NAA35: variants seen among roughly 807,000 people sequenced by gnomAD.
NAA35 encodes MAK10 homolog, amino-acid N-acetyltransferase subunit.
Under a neutral mutation model 101.7 loss-of-function variants are expected in NAA35, and 18 were observed. The observed-to-expected ratio is 0.18, with a 90% CI of 0.12 to 0.26. NAA35 has a LOEUF of 0.26. NAA35 is among the 10% of genes least tolerant of loss of function. The pLI is 1.00. For missense variants in NAA35, 601 were observed against 886.8 expected, an observed-to-expected ratio of 0.68 and a Z score of 4.09; for synonymous variants, 267 against 273.1, an observed-to-expected ratio of 0.98 and a Z score of 0.22.
At chr9:85,962,935 A>G (rs1829584276) in intron 6 of NAA35, among the ~76,000 whole-genome samples, 1 of 152,184 alleles carries the variant, frequency 6.6e-6, no homozygotes, top group African/African-American at 2.4e-5. Flanking sequence ...TGAGTTTTAG[A>G]GATAGAAAGA....
intron 11 of NAA35, among the ~76,000 whole-genome samples, chr9:85,983,092 C>T (rs1452518874): frequency 2.6e-5 from 4 of 152,140 alleles, no homozygotes; most frequent in African/African-American, 9.7e-5. Flanking sequence ...GAGTGACATT[C>T]CTGAACCTCA....
At chr9:85,945,220 A>T (rs546539753) in intron 2 of NAA35, among the ~76,000 whole-genome samples, 7 of 152,302 alleles carry the variant, frequency 4.6e-5, no homozygotes, top group African/African-American at 1.7e-4. Context: ...TAACTCTTCC[A>T]TAATTAGCTC....
chr9:85,944,885 G>A (rs1228675968), intron 2 of NAA35, among the ~76,000 whole-genome samples: 1 of 152,174 alleles, frequency 6.6e-6, no homozygotes, highest in Non-Finnish European at 1.5e-5. Flanking sequence ...CACCCAGGGT[G>A]GTTGCATACC....
intron 6 of NAA35, among the ~76,000 whole-genome samples, chr9:85,972,837 C>T (rs924366162): frequency 6.6e-6 from 1 of 152,170 alleles, no homozygotes; most frequent in Non-Finnish European, 1.5e-5. Flanking sequence ...TAGCACTATT[C>T]TAAGTCCTAT....
At chr9:85,953,918 A>G (rs985558941) in intron 2 of NAA35, among the ~76,000 whole-genome samples, 3 of 152,116 alleles carry the variant, frequency 2.0e-5, no homozygotes, top group Admixed American at 1.3e-4. Flanking sequence ...ATGGTTTATC[A>G]TTCATCTGTC....
intron 11 of NAA35, among the ~76,000 whole-genome samples, chr9:85,995,360 G>C (rs1237934534): frequency 6.6e-6 from 1 of 150,438 alleles, no homozygotes. Flanking sequence ...ATGGGATTTG[G>C]AACTAAGAAG....
intron 14 of NAA35, 69 bp downstream of exon 14, chr9:86,007,533 CTTCTTT>C (rs1160901773): frequency 5.1e-5 from 56 of 1,108,626 alleles, no homozygotes; most frequent in Admixed American, 7.7e-5. Context: ...CTCTGTACTC[CTTCTTT>C]ATAGCCAAAG....
intron 6 of NAA35, among the ~76,000 whole-genome samples, chr9:85,969,559 T>C (rs1829910766): frequency 6.6e-6 from 1 of 152,242 alleles, no homozygotes; most frequent in Non-Finnish European, 1.5e-5. Flanking sequence ...AAACGTGCTT[T>C]ATATTCCTCT....
In NAA35 at chr9:85,962,215, GTGC is replaced by G. The variant is rs781335130; in HGVS notation, c.516+36_516+38del. ...CGTAATGTAAGAAATCCTTGGCCAGGTGCGGTGGCTCATGCCTGTAATCTCAGC... is the reference window on the plus strand; with the variant it reads ...CGTAATGTAAGAAATCCTTGGCCAGGGGTGGCTCATGCCTGTAATCTCAGC... On this transcript the variant is annotated intron_variant, in intron 6 of 22. Transcript: ENST00000361671. 3.1e-6 allele frequency: 5 copies of G among 1,600,732 alleles called. No homozygotes were observed. The African/African-American group carries it at 5.4e-5, about 17-fold the overall frequency.
At chr9:85,974,629 G>C (rs1416608724) in intron 6 of NAA35, among the ~76,000 whole-genome samples, 1 of 152,060 alleles carries the variant, frequency 6.6e-6, no homozygotes, top group Non-Finnish European at 1.5e-5. Flanking sequence ...CATATTTACT[G>C]TTCACCTGTG....
At position 86,022,010 on chromosome 9, in the gene NAA35, A is replaced by C. The variant is rs777664157; in HGVS notation, c.*50A>C. 1 of 1,442,704 alleles carries C rather than the reference A, an allele frequency of 6.9e-7. No homozygotes were observed. The allele number at this position is 1,442,704 out of a possible 1,614,324, so 89.4% of individuals were successfully genotyped here. A position where few individuals can be genotyped will look rare whatever the true frequency, so the allele number is the denominator to read the frequency against. On this transcript the variant is annotated 3_prime_UTR_variant, in exon 23 of 23. Coordinates refer to ENST00000361671, the MANE Select transcript of NAA35 (RefSeq NM_024635.4). ...AGGGGCAGAGTCTTCTTTCAGACCC[A>C]ACTCTTAGAGGGCACATCACCAGGC...
At chr9:86,013,207 A>G in intron 16 of NAA35, 63 bp downstream of exon 16, 2 of 1,015,530 alleles carry the variant, frequency 2.0e-6, no homozygotes, top group Non-Finnish European at 2.9e-6. Flanking sequence ...CCAGATTTTT[A>G]AAAACAATAA....
chr9:85,951,137 C>CAA (rs563456145), intron 2 of NAA35, among the ~76,000 whole-genome samples: 3 of 86,016 alleles, frequency 3.5e-5, no homozygotes, highest in Non-Finnish European at 5.0e-5. Context: ...GACTCCATCT[C>CAA]AAAAAAAAAA....
intron 11 of NAA35, among the ~76,000 whole-genome samples, chr9:85,994,439 A>G (rs979791097): frequency 6.6e-6 from 1 of 152,168 alleles, no homozygotes; most frequent in Non-Finnish European, 1.5e-5. Context: ...TAATTCTACA[A>G]CTTTTTGTAA....
chr9:85,954,762 A>T (rs1041672064), intron 2 of NAA35, among the ~76,000 whole-genome samples: 9 of 152,150 alleles, frequency 5.9e-5, no homozygotes, highest in African/African-American at 2.2e-4. Flanking sequence ...TTGCTTTTGC[A>T]TCATTAGTAC....
Position 86,024,731 on chromosome 9 carries a change from G to A in NAA35, c.*2771G>A, listed in dbSNP as rs950029429. Among the ~76,000 whole-genome samples, 1 of 151,042 alleles carries A rather than the reference G, an allele frequency of 6.6e-6. No individual in the cohort carries two copies. Among genetic ancestry groups the A allele is most frequent in the Non-Finnish European group, 1.5e-5 (1 of 67,692 alleles). ...TTGTGTAGATATCTAGGCAAGGTAGGAGACCAGGTTTGGGATAAAGATTGC... is the reference window on the plus strand; with the variant it reads ...TTGTGTAGATATCTAGGCAAGGTAGAAGACCAGGTTTGGGATAAAGATTGC... On this transcript the variant is annotated 3_prime_UTR_variant, in exon 23 of 23. Transcript: ENST00000361671.
Position 85,978,419 on chromosome 9 carries a change from G to A in NAA35, c.877+38G>A, listed in dbSNP as rs201716367. ...TTTGCTCCTACTCTTTCTTTTCTTC[G>A]TTTCTATCCAAAATATTTAGTGCTT... On this transcript the variant is annotated intron_variant, in intron 11 of 22. Coordinates refer to ENST00000361671, the MANE Select transcript of NAA35 (RefSeq NM_024635.4). 103 of 1,367,048 alleles carry A rather than the reference G, an allele frequency of 7.5e-5. No individual in the cohort carries two copies. In the African/African-American group the frequency reaches 1.0e-3, roughly 13 times the overall value. The allele number at this position is 1,367,048 out of a possible 1,614,324, so 84.7% of individuals were successfully genotyped here.
At chr9:85,965,146 A>C (rs1829688980) in intron 6 of NAA35, among the ~76,000 whole-genome samples, 1 of 152,228 alleles carries the variant, frequency 6.6e-6, no homozygotes. Context: ...TATCTATCAT[A>C]ATCTAAAATG....
At chr9:85,969,836 G>A (rs73474723) in intron 6 of NAA35, among the ~76,000 whole-genome samples, 5,869 of 150,274 alleles carry the variant, frequency 0.039, 389 homozygotes, top group African/African-American at 0.13. Flanking sequence ...CTCCAGTCTG[G>A]ATGGTCAAAT....
Sources: allele counts gnomAD v4.1 joint callset (sites outside exome capture counted in the v4.1 genomes callset), GRCh38; gene constraint gnomAD v4.1.1; transcripts MANE v1.5; gene names NCBI Gene and HGNC (gene_info 2026-07-23, HGNC 2026-07-21).